Variants in C17orf113 observed in about 807,000 individuals in gnomAD.
C17orf113 encodes the protein chromosome 17 open reading frame 113.
C17orf113 carries 5 observed loss-of-function variants against 11.6 expected under a neutral mutation model. The ratio of observed to expected loss-of-function variants is 0.43; its 90% CI spans 0.23 to 0.91. The LOEUF is 0.91. Among genes scored for constraint, C17orf113 ranks in the 40% least tolerant of loss-of-function variants. C17orf113 has a pLI of 0.26. For synonymous variants in C17orf113, 327 were observed against 390.6 expected (o/e 0.84, Z 1.92); for missense variants, 714 against 841.3 (o/e 0.85, Z 1.87).
chr17:42,042,132 G>A (rs1286120634), intron 2 of C17orf113, among the ~76,000 whole-genome samples: 3 of 152,016 alleles, frequency 2.0e-5, no homozygotes, highest in African/African-American at 4.8e-5. Context: ...AGCACTTTGC[G>A]GGGCCAAGGC....
Position 42,042,894 on chromosome 17 carries a change from C to A in C17orf113, c.483G>T (p.Gln161His). The A allele has an allele frequency of 8.1e-7, 1 of 1,232,356 alleles. No individual in the cohort carries two copies. Among genetic ancestry groups the A allele is most frequent in the East Asian group, 3.2e-5 (1 of 31,710 alleles). 76.3% of individuals were successfully genotyped at this position (1,232,356 alleles called of 1,614,324 possible). Residue 161 changes from glutamine to histidine, a missense_variant, in exon 2 of 3, where the codon CAG becomes CAT. By Grantham distance (24) the Gln-to-His change is conservative (BLOSUM62 0). Coordinates refer to ENST00000587304, the MANE Select transcript of C17orf113 (RefSeq NM_001358661.2). Reference sequence around the variant, plus strand: ...CGCCATGCTCTGTGCCCAGCAGTGCCTGGCACAGGTTGAACCTCTGCAGCT... The same window carrying A: ...CGCCATGCTCTGTGCCCAGCAGTGCATGGCACAGGTTGAACCTCTGCAGCT... ...LLELQRFNLC[Q>H]ALLGTEHGDY...
In C17orf113 at chr17:42,043,307, T is replaced by C; in HGVS notation, c.70A>G (p.Asn24Asp). The C allele has an allele frequency of 8.1e-7, 1 of 1,232,280 alleles. No homozygotes were observed. The highest frequency in any genetic ancestry group is 1.0e-6 in the Non-Finnish European group (1 of 988,022). 76.3% of individuals were successfully genotyped at this position (1,232,280 alleles called of 1,614,324 possible). The change falls in exon 2 of 3, where the codon AAC (asparagine) becomes GAC (aspartate). Residue 24 changes from asparagine (N) to aspartate (D), a missense_variant. By Grantham distance (23) the Asn-to-Asp change is conservative (BLOSUM62 1). Around this residue, in one of 3 missense-constraint regions of C17orf113, gnomAD observed 516 missense variants for 626.6 expected, o/e 0.82. Transcript: ENST00000587304. Reference protein sequence around the residue: ...NSNKKCKRYFNEHWKEEFTWL... With the variant: ...NSNKKCKRYFDEHWKEEFTWL... ...GTAAACTCCTCTTTCCAGTGCTCGT[T>C]GAAGTAACGCTTACACTTCTTGTTG...
intron 2 of C17orf113, among the ~76,000 whole-genome samples, 177 bp from the exon 3 acceptor site, chr17:42,041,366 C>T (rs1555656113): frequency 6.6e-6 from 1 of 152,190 alleles, no homozygotes; most frequent in Non-Finnish European, 1.5e-5. Flanking sequence ...CACTTCACCT[C>T]TCCGAGCCTC....
At chr17:42,045,129 C>T (rs555538463) in intron 1 of C17orf113, among the ~76,000 whole-genome samples, 5 of 151,522 alleles carry the variant, frequency 3.3e-5, no homozygotes, top group East Asian at 1.9e-4. Flanking sequence ...GTGTTAGCCA[C>T]GATGGTCTCG....
Position 42,038,857 on chromosome 17 carries a change from G to A in C17orf113, c.*848C>T, listed in dbSNP as rs1005737300. 6.4e-4 allele frequency: 97 copies of A among 152,262 alleles called. No homozygotes were observed. The highest frequency in any genetic ancestry group is 2.2e-3 in the African/African-American group (93 of 41,450). 9.4% of individuals were successfully genotyped at this position (152,262 alleles called of 1,614,324 possible). A position where few individuals can be genotyped will look rare whatever the true frequency, so the allele number is the denominator to read the frequency against. ...CCATTGGCCCTTGAACCACCAGCTT[G>A]TGTACAGAGAGGACACTGTGCTGTG... On this transcript the variant is annotated 3_prime_UTR_variant, in exon 3 of 3. Coordinates refer to ENST00000587304, the MANE Select transcript of C17orf113 (RefSeq NM_001358661.2).
At position 42,039,512 on chromosome 17, in the gene C17orf113, A is replaced by T; in HGVS notation, c.*193T>A. 13 of 389,338 alleles carry T rather than the reference A, an allele frequency of 3.3e-5. No homozygotes were observed. The highest frequency in any genetic ancestry group is 5.2e-5 in the Non-Finnish European group (12 of 231,062). 24.1% of individuals were successfully genotyped at this position (389,338 alleles called of 1,614,324 possible). ...TGCCCACCCGCCCAGGCCCCTCTTGAGCCAGTCCCTTCCTCCACAGCCCAC... is the reference window on the plus strand; with the variant it reads ...TGCCCACCCGCCCAGGCCCCTCTTGTGCCAGTCCCTTCCTCCACAGCCCAC... On this transcript the variant is annotated 3_prime_UTR_variant, in exon 3 of 3. Transcript: ENST00000587304.
At position 42,038,390 on chromosome 17, in the gene C17orf113, G is replaced by A; in HGVS notation, c.*1315C>T. ...TGACAGGAGGGAATGGGAAACCCAT[G>A]GGCTCTGAAGGGATGTGCTCCCCAG... On this transcript the variant is annotated 3_prime_UTR_variant, in exon 3 of 3. Coordinates refer to ENST00000587304, the MANE Select transcript of C17orf113 (RefSeq NM_001358661.2). The A allele has an allele frequency of 6.3e-6, 2 of 319,384 alleles. No homozygotes were observed. The highest frequency in any genetic ancestry group is 7.6e-5 in the East Asian group (1 of 13,106). 19.8% of individuals were successfully genotyped at this position (319,384 alleles called of 1,614,324 possible).
intron 2 of C17orf113, among the ~76,000 whole-genome samples, chr17:42,041,758 G>A (rs1238196132): frequency 6.6e-6 from 1 of 152,074 alleles, no homozygotes; most frequent in Admixed American, 6.6e-5. Context: ...TCTGTAGGAT[G>A]AGATCCAACT....
At chr17:42,045,859 A>T (rs1163192796) in intron 1 of C17orf113, among the ~76,000 whole-genome samples, 8 of 152,026 alleles carry the variant, frequency 5.3e-5, no homozygotes, top group African/African-American at 1.9e-4. Flanking sequence ...ACACCTAACC[A>T]CAAGCCAGCA....
At chr17:42,048,356 T>C (rs1309815402) in intron 1 of C17orf113, among the ~76,000 whole-genome samples, 15 of 134,278 alleles carry the variant, frequency 1.1e-4, no homozygotes, top group African/African-American at 3.9e-4. Flanking sequence ...CTGGGCAACA[T>C]AGGGAGAACC....
Position 42,041,053 on chromosome 17 carries a change from G to A in C17orf113, c.680C>T (p.Pro227Leu), listed in dbSNP as rs1487587533. The change falls in exon 3 of 3, where the codon CCC (proline) becomes CTC (leucine). Residue 227 changes from proline to leucine, a missense_variant. Physicochemically the swap from Pro to Leu is moderately conservative, Grantham distance 98. Transcript: ENST00000587304. Reference sequence around the variant, plus strand: ...GGTGGTGGCGGGCTGGCCATCACAGGGGGACACTGAAGTGGCAAACAGGGC... The same window carrying A: ...GGTGGTGGCGGGCTGGCCATCACAGAGGGACACTGAAGTGGCAAACAGGGC... ...SLALFATSVS[P>L]CDGQPATTFL... 17 of 1,232,354 alleles carry A rather than the reference G, an allele frequency of 1.4e-5. No homozygotes were observed. The Middle Eastern group carries it at 1.2e-3, about 90-fold the overall frequency. The allele number at this position is 1,232,354 out of a possible 1,614,324, so 76.3% of individuals were successfully genotyped here.
chr17:42,047,259 C>T (rs963288351), intron 1 of C17orf113, among the ~76,000 whole-genome samples: 35 of 152,136 alleles, frequency 2.3e-4, no homozygotes, highest in Non-Finnish European at 4.1e-4. Context: ...GTCTTGATCT[C>T]CTGACCTCGT....
rs1474919036 is a variant in C17orf113 at position 42,039,872 on chromosome 17, G to A, written c.1861C>T (p.Arg621Trp). 10 of 1,231,322 alleles carry A rather than the reference G, an allele frequency of 8.1e-6. No homozygotes were observed. The highest frequency in any genetic ancestry group is 3.1e-4 in the Middle Eastern group (1 of 3,230). The allele number at this position is 1,231,322 out of a possible 1,614,324, so 76.3% of individuals were successfully genotyped here. A position where few individuals can be genotyped will look rare whatever the true frequency, so the allele number is the denominator to read the frequency against. The change falls in exon 3 of 3, where the codon CGG (arginine) becomes TGG (tryptophan). Residue 621 changes from arginine (R) to tryptophan (W), a missense_variant. Coordinates refer to ENST00000587304, the MANE Select transcript of C17orf113 (RefSeq NM_001358661.2). ...AGLLDKVGRS[R>W]ELRWWGQSGA... ...CTCTGCCCCCACCACCGCAGCTCCC[G>A]GCTGCGGCCGACCTTGTCCAGCAGG...
Position 42,043,271 on chromosome 17 carries a change from A to G in C17orf113, c.106T>C (p.Phe36Leu), listed in dbSNP as rs2053071272. 11 of 1,232,152 alleles carry G rather than the reference A, an allele frequency of 8.9e-6. No homozygotes were observed. The highest frequency in any genetic ancestry group is 4.2e-5 in the Admixed American group (1 of 23,702). 76.3% of individuals were successfully genotyped at this position (1,232,152 alleles called of 1,614,324 possible). A position where few individuals can be genotyped will look rare whatever the true frequency, so the allele number is the denominator to read the frequency against. ...HWKEEFTWLD[F>L]DYERKLMFCL... ...AACATCAGCTTCCGCTCATAGTCAA[A>G]GTCCAGCCAGGTAAACTCCTCTTTC... Residue 36 changes from phenylalanine (F) to leucine (L), a missense_variant, in exon 2 of 3, where the codon TTT becomes CTT. Coordinates refer to ENST00000587304, the MANE Select transcript of C17orf113 (RefSeq NM_001358661.2).
Position 42,040,268 on chromosome 17 carries a change from A to G in C17orf113, c.1465T>C (p.Trp489Arg). Residue 489 changes from tryptophan to arginine, a missense_variant, in exon 3 of 3, where the codon TGG becomes CGG. By Grantham distance (101) the Trp-to-Arg change is moderately radical. Transcript: ENST00000587304. ...YSEAAVRGLE[W>R]LRGSFLDSMR... ...GAGTCCAGGAAGGATCCCCGGAGCC[A>G]CTCCAAGCCCCGGACCGCAGCCTCG... The G allele has an allele frequency of 8.1e-7, 1 of 1,231,548 alleles. No individual in the cohort carries two copies. Among genetic ancestry groups the G allele is most frequent in the Non-Finnish European group, 1.0e-6 (1 of 987,850 alleles). The allele number at this position is 1,231,548 out of a possible 1,614,324, so 76.3% of individuals were successfully genotyped here.
chr17:42,050,396 TG>T lies in C17orf113; in HGVS notation c.-188+160del, dbSNP rs2053255714. Among the ~76,000 whole-genome samples, 1 of 151,918 alleles carries T rather than the reference TG, an allele frequency of 6.6e-6. No homozygotes were observed. Among genetic ancestry groups the T allele is most frequent in the Non-Finnish European group, 1.5e-5 (1 of 67,954 alleles). On this transcript the variant is annotated intron_variant, in intron 1 of 2. Coordinates refer to ENST00000587304, the MANE Select transcript of C17orf113 (RefSeq NM_001358661.2). The surrounding 1 kb of genome is among the most constrained non-coding windows in gnomAD (Gnocchi z 5.6). ...TCTTCTCACGCATCCTCCCGGGGGC[TG>T]GGACGGGGAGGGCTGAGGAACTTCC...
At position 42,040,115 on chromosome 17, in the gene C17orf113, C is replaced by T; in HGVS notation, c.1618G>A (p.Ala540Thr). ...PEELGTHGEG[A>T]LRVLLRGFAP... Reference sequence around the variant, plus strand: ...AAGCCGCGCAGCAGCACCCGCAGCGCCCCCTCGCCATGCGTGCCCAGCTCC... The same window carrying T: ...AAGCCGCGCAGCAGCACCCGCAGCGTCCCCTCGCCATGCGTGCCCAGCTCC... Residue 540 changes from alanine to threonine, a missense_variant, in exon 3 of 3, where the codon GCG (alanine) becomes ACG (threonine). Around this residue, in one of 3 missense-constraint regions of C17orf113, gnomAD observed 194 missense variants for 197.2 expected, o/e 0.98. Coordinates refer to ENST00000587304, the MANE Select transcript of C17orf113 (RefSeq NM_001358661.2). 8.1e-7 allele frequency: 1 copy of T among 1,231,378 alleles called. No individual in the cohort carries two copies. The highest frequency in any genetic ancestry group is 1.0e-6 in the Non-Finnish European group (1 of 987,692). 76.3% of individuals were successfully genotyped at this position (1,231,378 alleles called of 1,614,324 possible).
At chr17:42,042,712 G>T in intron 2 of C17orf113, 122 bp downstream of exon 2, 1 of 705,212 alleles carries the variant, frequency 1.4e-6, no homozygotes, top group Non-Finnish European at 2.0e-6. Flanking sequence ...GTTCTGAAGG[G>T]TGAAGATATG....
intron 1 of C17orf113, among the ~76,000 whole-genome samples, 165 bp from the exon 2 acceptor site, chr17:42,043,728 C>T (rs2053083228): frequency 6.6e-6 from 1 of 152,074 alleles, no homozygotes; most frequent in Non-Finnish European, 1.5e-5. Flanking sequence ...ATGCAAAGGG[C>T]CCTAGAGCAT....
Sources: gnomAD v4.1 joint callset for allele counts (sites outside exome capture counted in the v4.1 genomes callset) on GRCh38, gnomAD v4.1.1 for gene constraint, gnomAD v4.1.1 regional missense constraint, Gnocchi (gnomAD v3.1) non-coding constraint, MANE v1.5 for transcripts, NCBI Gene and HGNC (gene_info 2026-07-23, HGNC 2026-07-21) for gene names.